IQCH: variants seen among roughly 807,000 people sequenced by gnomAD.
The protein encoded by IQCH is IQ motif containing H.
A neutral mutation model predicts 117.0 loss-of-function variants in IQCH; 98 were observed. That is an observed-to-expected ratio of 0.84 (90% CI 0.71 to 0.99). The LOEUF is 0.99. Among genes scored for constraint, IQCH ranks in the 50% least tolerant of loss-of-function variants. The pLI, the probability that IQCH is intolerant of heterozygous loss-of-function variation, is 0.00. For synonymous variants in IQCH, 412 were observed against 448.2 expected (o/e 0.92, Z 1.02); for missense variants, 1,102 against 1,243.8 (o/e 0.89, Z 1.72).
chr15:67,358,174 T>TC (rs1969980300), intron 7 of IQCH, among the ~76,000 whole-genome samples: 1 of 79,196 alleles, frequency 1.3e-5, no homozygotes, highest in Non-Finnish European at 2.9e-5. Flanking sequence ...TTTTTTTTTT[T>TC]TCTTTTTTAA....
At chr15:67,330,182 G>T (rs1182327702) in intron 4 of IQCH, among the ~76,000 whole-genome samples, 1 of 152,166 alleles carries the variant, frequency 6.6e-6, no homozygotes, top group Non-Finnish European at 1.5e-5. Context: ...AAGGCAGTCT[G>T]GGAGATGTAA....
chr15:67,470,405 C>T (rs530423013), intron 17 of IQCH, among the ~76,000 whole-genome samples: 2 of 152,294 alleles, frequency 1.3e-5, no homozygotes, highest in Admixed American at 1.3e-4. Flanking sequence ...GTCTCGATCT[C>T]CTGACCTCAT....
At chr15:67,440,144 A>G (rs1260617048) in intron 16 of IQCH, among the ~76,000 whole-genome samples, 2 of 152,174 alleles carry the variant, frequency 1.3e-5, no homozygotes, top group Non-Finnish European at 2.9e-5. Context: ...TCCTGGAAAA[A>G]TACAACCCTC....
chr15:67,269,372 C>T (rs1287551966), intron 3 of IQCH, among the ~76,000 whole-genome samples: 1 of 152,082 alleles, frequency 6.6e-6, no homozygotes, highest in Non-Finnish European at 1.5e-5. Flanking sequence ...ATACATAATA[C>T]TTGTATATAT....
At chr15:67,368,674 A>T (rs759321872) in intron 8 of IQCH, among the ~76,000 whole-genome samples, 15 of 152,190 alleles carry the variant, frequency 9.9e-5, no homozygotes, top group Non-Finnish European at 1.9e-4. Flanking sequence ...TAGGCAATGG[A>T]ATGATTATCA....
At chr15:67,460,977 T>C (rs1244175945) in intron 16 of IQCH, among the ~76,000 whole-genome samples, 1 of 152,198 alleles carries the variant, frequency 6.6e-6, no homozygotes, top group Non-Finnish European at 1.5e-5. Flanking sequence ...TGCCCACTCA[T>C]AGTACTTTGT....
At chr15:67,360,754 C>A (rs1227910716) in intron 8 of IQCH, among the ~76,000 whole-genome samples, 1 of 152,184 alleles carries the variant, frequency 6.6e-6, no homozygotes, top group African/African-American at 2.4e-5. Flanking sequence ...AAAGAGCCCG[C>A]CTTTGGGGTC....
chr15:67,435,653 A>C (rs565723354), intron 16 of IQCH, among the ~76,000 whole-genome samples: 1 of 151,874 alleles, frequency 6.6e-6, no homozygotes, highest in South Asian at 2.1e-4. Context: ...CAGGTGGATC[A>C]CTTGAGGTCA....
chr15:67,403,117 G>C lies in IQCH; in HGVS notation c.2097+2812G>C, dbSNP rs1193898357. The stretch of plus-strand genomic sequence containing the variant: ...ACAAAAAAATTAGTCGGGGCTGGTG[G>C]TGCATGCCTGTAGTACCAGCTACTT... On this transcript the variant is annotated intron_variant, in intron 14 of 20. Coordinates refer to ENST00000335894, the MANE Select transcript of IQCH (RefSeq NM_001031715.3). The surrounding 1 kb of genome is among the most constrained non-coding windows in gnomAD (Gnocchi z 4.8). 6.6e-6 allele frequency among the ~76,000 whole-genome samples: 1 copy of C among 152,106 alleles called. No individual in the cohort carries two copies. Among genetic ancestry groups the C allele is most frequent in the East Asian group, 1.9e-4 (1 of 5,180 alleles).
chr15:67,448,941 T>C (rs999327296), intron 16 of IQCH, among the ~76,000 whole-genome samples: 2 of 152,222 alleles, frequency 1.3e-5, no homozygotes, highest in African/African-American at 4.8e-5. Flanking sequence ...TGGTATCTCA[T>C]TGTGGTTTTC....
intron 10 of IQCH, among the ~76,000 whole-genome samples, chr15:67,380,266 A>C (rs1405794805): frequency 6.6e-6 from 1 of 152,188 alleles, no homozygotes; most frequent in Non-Finnish European, 1.5e-5. Flanking sequence ...TAATTTTTTG[A>C]AGGTGAATCC....
In IQCH at chr15:67,337,011, T is replaced by C. The variant is rs761558387; in HGVS notation, c.424T>C (p.Ser142Pro). The C allele has an allele frequency of 5.6e-6, 9 of 1,613,688 alleles. No homozygotes were observed. In the Admixed American group the frequency reaches 8.3e-5, roughly 15 times the overall value. Residue 142 changes from serine to proline, a missense_variant, in exon 5 of 21, where the codon TCC (serine) becomes CCC (proline). Transcript: ENST00000335894. ...GAAGTTAATCAAAGGGTCTAACATA[T>C]CCAGCCTCACGGTTCTGCCATCTTC... is the stretch of plus-strand genomic sequence containing the variant. The part of the protein sequence containing the change: ...VSKLIKGSNI[S>P]SLTVLPSSHC...
At position 67,359,732 on chromosome 15, in the gene IQCH, G is replaced by A. The variant is rs190238864; in HGVS notation, c.715-115G>A. 1,616 of 871,394 alleles carry A rather than the reference G, an allele frequency of 1.9e-3. 2 individuals are homozygous for A. The highest frequency in any genetic ancestry group is 2.8e-3 in the Non-Finnish European group (1,427 of 509,436). 54.0% of individuals were successfully genotyped at this position (871,394 alleles called of 1,614,324 possible). A position where few individuals can be genotyped will look rare whatever the true frequency, so the allele number is the denominator to read the frequency against. On this transcript the variant is annotated intron_variant, in intron 7 of 20. Transcript: ENST00000335894. This position sits in a 1 kb window ranked among gnomAD's most constrained non-coding sequence, Gnocchi z 4.5. The stretch of plus-strand genomic sequence containing the variant: ...CTGCCTGCGTGGAAAGAGAGAACAG[G>A]CTGGCCCAGCGGGTAAAATGGGGAA...
In IQCH at chr15:67,356,501, C is replaced by T. The variant is rs1969893091; in HGVS notation, c.638-844C>T. ...AGATTCTAAATTATATATTGATATC[C>T]TTTACTAGCATGCTGTTTTTGATCA... On this transcript the variant is annotated intron_variant, in intron 6 of 20. Transcript: ENST00000335894. The surrounding 1 kb of genome is among the most constrained non-coding windows in gnomAD (Gnocchi z 5.3). Among the ~76,000 whole-genome samples the T allele has an allele frequency of 6.6e-6, 1 of 152,100 alleles. No individual in the cohort carries two copies. The highest frequency in any genetic ancestry group is 2.1e-4 in the South Asian group (1 of 4,830).
chr15:67,350,284 A>G (rs1240635086), intron 6 of IQCH, among the ~76,000 whole-genome samples: 1 of 152,200 alleles, frequency 6.6e-6, no homozygotes. Context: ...TACACACCAT[A>G]TGATTCTATT....
intron 4 of IQCH, among the ~76,000 whole-genome samples, chr15:67,309,068 G>C (rs1171490235): frequency 6.6e-6 from 1 of 151,970 alleles, no homozygotes; most frequent in African/African-American, 2.4e-5. Flanking sequence ...TTACTAGACC[G>C]GGATCTCCCA....
At position 67,443,271 on chromosome 15, in the gene IQCH, C is replaced by T. The variant is rs977403360; in HGVS notation, c.2505+21694C>T. ...CCTCCCAAAGTGCTGGGATTACAGG[C>T]GTGAGCCACTGCGCCCAGCCTGGAG... On this transcript the variant is annotated intron_variant, in intron 16 of 20. Coordinates refer to ENST00000335894, the MANE Select transcript of IQCH (RefSeq NM_001031715.3). The surrounding 1 kb of genome is among the most constrained non-coding windows in gnomAD (Gnocchi z 5.0). 5.3e-5 allele frequency among the ~76,000 whole-genome samples: 8 copies of T among 152,176 alleles called. No individual in the cohort carries two copies. Among genetic ancestry groups the T allele is most frequent in the African/African-American group, 1.7e-4 (7 of 41,438 alleles).
chr15:67,442,853 T>TAGAC (rs2082306284), intron 16 of IQCH, among the ~76,000 whole-genome samples: 5 of 144,064 alleles, frequency 3.5e-5, no homozygotes, highest in Admixed American at 2.8e-4. Flanking sequence ...GATAGATAGA[T>TAGAC]AGATAGATAG....
At chr15:67,410,609 A>C (rs1353439433) in intron 14 of IQCH, among the ~76,000 whole-genome samples, 1 of 152,240 alleles carries the variant, frequency 6.6e-6, no homozygotes, top group Non-Finnish European at 1.5e-5. Flanking sequence ...CACTGTAGCC[A>C]GGATGTGGCT....
Sources: allele counts gnomAD v4.1 joint callset (sites outside exome capture counted in the v4.1 genomes callset), GRCh38; gene constraint gnomAD v4.1.1; non-coding constraint Gnocchi (gnomAD v3.1); transcripts MANE v1.5; gene names NCBI Gene and HGNC (gene_info 2026-07-23, HGNC 2026-07-21).